Variants in MGAT4C observed in about 807,000 individuals in gnomAD.
The protein encoded by MGAT4C is MGAT4 family member C.
A neutral mutation model predicts 40.1 loss-of-function variants in MGAT4C; 19 were observed. The observed-to-expected ratio is 0.47, with a 90% CI of 0.33 to 0.70. The LOEUF is 0.70. Among genes scored for constraint, MGAT4C ranks in the 30% least tolerant of loss-of-function variants. The probability of loss-of-function intolerance (pLI) is 0.02; values close to 1 mark genes in which losing one functional copy is unlikely to be tolerated. For missense variants in MGAT4C, 491 were observed against 563.2 expected (o/e 0.87, Z 1.30); for synonymous variants, 181 against 187.1 (o/e 0.97, Z 0.27).
intron 1 of MGAT4C, among the ~76,000 whole-genome samples, chr12:86,825,029 C>T (rs1212907666): frequency 6.6e-6 from 1 of 151,144 alleles, no homozygotes; most frequent in East Asian, 2.0e-4. Context: ...CAACACGAGT[C>T]AATCAAAAAT....
At chr12:86,394,601 T>TTA (rs900717665) in intron 3 of MGAT4C, among the ~76,000 whole-genome samples, 20 of 133,638 alleles carry the variant, frequency 1.5e-4, no homozygotes, top group Middle Eastern at 4.0e-3. Context: ...TTTATATATT[T>TTA]TATATATATA....
At chr12:86,120,901 C>T (rs1284921675) in intron 1 of MGAT4C, among the ~76,000 whole-genome samples, 2 of 152,160 alleles carry the variant, frequency 1.3e-5, no homozygotes, top group Non-Finnish European at 2.9e-5. Context: ...ATGACTTTGA[C>T]GAGTTGAGAG....
At chr12:86,590,429 C>G (rs1565870159) in intron 2 of MGAT4C, among the ~76,000 whole-genome samples, 1 of 151,820 alleles carries the variant, frequency 6.6e-6, no homozygotes, top group Non-Finnish European at 1.5e-5. Flanking sequence ...CTACATATGG[C>G]TTCATTTCAC....
At chr12:86,227,966 T>A (rs1951162109) in intron 1 of MGAT4C, among the ~76,000 whole-genome samples, 1 of 151,910 alleles carries the variant, frequency 6.6e-6, no homozygotes, top group Non-Finnish European at 1.5e-5. Flanking sequence ...TTAATATTCC[T>A]CATGTACCTC....
At chr12:86,025,152 T>C (rs1362519647) in intron 2 of MGAT4C, among the ~76,000 whole-genome samples, 1 of 151,708 alleles carries the variant, frequency 6.6e-6, no homozygotes, top group Non-Finnish European at 1.5e-5. Flanking sequence ...TTTATACCAA[T>C]ATTTCAGCTT....
intron 2 of MGAT4C, among the ~76,000 whole-genome samples, chr12:86,586,016 G>T (rs767109878): frequency 3.4e-5 from 5 of 149,110 alleles, no homozygotes; most frequent in Admixed American, 6.7e-5. Context: ...TAGTTACATA[G>T]GTATACATGT....
intron 2 of MGAT4C, among the ~76,000 whole-genome samples, chr12:86,498,099 G>C (rs1243507970): frequency 6.7e-6 from 1 of 149,558 alleles, no homozygotes; most frequent in Admixed American, 6.7e-5. Flanking sequence ...TTTGTATTTT[G>C]GTCGTAAGCA....
intron 3 of MGAT4C, among the ~76,000 whole-genome samples, chr12:86,367,679 G>A (rs1456838693): frequency 6.6e-6 from 1 of 152,086 alleles, no homozygotes; most frequent in Non-Finnish European, 1.5e-5. Context: ...GGTGCCTGTA[G>A]TCCCAGCTCA....
chr12:86,615,000 T>C (rs1037118653), intron 2 of MGAT4C, among the ~76,000 whole-genome samples: 4 of 152,006 alleles, frequency 2.6e-5, no homozygotes, highest in Non-Finnish European at 4.4e-5. Context: ...TATTAGAGTA[T>C]ATCATCTTGT....
chr12:86,252,176 GC>G (rs1952318083), intron 1 of MGAT4C, among the ~76,000 whole-genome samples: 1 of 151,900 alleles, frequency 6.6e-6, no homozygotes, highest in African/African-American at 2.4e-5. Flanking sequence ...AGCTTCAGAG[GC>G]AGAGAGAGAA....
At chr12:86,709,545 T>C (rs916054290) in intron 2 of MGAT4C, among the ~76,000 whole-genome samples, 1 of 152,120 alleles carries the variant, frequency 6.6e-6, no homozygotes, top group Non-Finnish European at 1.5e-5. Flanking sequence ...ATATAGAAGA[T>C]TTGTGATTAT....
intron 1 of MGAT4C, among the ~76,000 whole-genome samples, chr12:86,065,266 A>C (rs1894423817): frequency 6.6e-6 from 1 of 152,180 alleles, no homozygotes. Context: ...AAATAACGAA[A>C]ATTTCAGGCC....
At position 85,972,463 on chromosome 12, in the gene MGAT4C, A is replaced by G. The variant is rs1241097384; in HGVS notation, c.*6826T>C. On this transcript the variant is annotated 3_prime_UTR_variant, in exon 5 of 5. Coordinates refer to ENST00000611864, the MANE Select transcript of MGAT4C (RefSeq NM_001351288.2). Reference sequence around the variant, plus strand: ...AAAAAAAAAGACTTTAGGAGTTTTAATTATTTTTAATATATTGCTTCTTTA... The same window carrying G: ...AAAAAAAAAGACTTTAGGAGTTTTAGTTATTTTTAATATATTGCTTCTTTA... 3 of 151,074 alleles carry G rather than the reference A, an allele frequency of 2.0e-5. No individual in the cohort carries two copies. Among genetic ancestry groups the G allele is most frequent in the Non-Finnish European group, 4.5e-5 (3 of 67,226 alleles). The allele number at this position is 151,074 out of a possible 1,614,324, so 9.4% of individuals were successfully genotyped here. A position where few individuals can be genotyped will look rare whatever the true frequency, so the allele number is the denominator to read the frequency against.
chr12:86,056,843 C>A (rs1250731475), intron 1 of MGAT4C, among the ~76,000 whole-genome samples: 1 of 152,094 alleles, frequency 6.6e-6, no homozygotes, highest in African/African-American at 2.4e-5. Flanking sequence ...AATTTACACT[C>A]CCAACAGTGT....
intron 3 of MGAT4C, among the ~76,000 whole-genome samples, chr12:86,348,246 CA>C (rs1955082241): frequency 6.6e-6 from 1 of 152,112 alleles, no homozygotes; most frequent in Admixed American, 6.6e-5. Context: ...ATAGAGGACT[CA>C]AATACTTTTA....
At chr12:86,472,635 TTCTA>T (rs1313556871) in intron 2 of MGAT4C, among the ~76,000 whole-genome samples, 15 of 152,282 alleles carry the variant, frequency 9.9e-5, no homozygotes, top group Non-Finnish European at 1.5e-5. Flanking sequence ...GTTCCAAGTG[TTCTA>T]TCTTAGTAAT....
chr12:86,158,374 T>C (rs1885213232), intron 1 of MGAT4C, among the ~76,000 whole-genome samples: 1 of 152,172 alleles, frequency 6.6e-6, no homozygotes, highest in African/African-American at 2.4e-5. Context: ...CCATTATGCA[T>C]TATTAAAATA....
chr12:86,300,794 T>A (rs527733436), intron 4 of MGAT4C, among the ~76,000 whole-genome samples: 1 of 152,124 alleles, frequency 6.6e-6, no homozygotes. Flanking sequence ...TAAAATAAAG[T>A]TGTACTGCAA....
At chr12:86,008,858 T>C (rs1326717645) in intron 2 of MGAT4C, among the ~76,000 whole-genome samples, 1 of 152,078 alleles carries the variant, frequency 6.6e-6, no homozygotes, top group East Asian at 1.9e-4. Flanking sequence ...ATCTGTTGAA[T>C]TGAGGGAGCT....
Sources: allele counts gnomAD v4.1 joint callset (sites outside exome capture counted in the v4.1 genomes callset), GRCh38; gene constraint gnomAD v4.1.1; transcripts MANE v1.5; gene names NCBI Gene and HGNC (gene_info 2026-07-23, HGNC 2026-07-21).